DOCK5: variants seen among roughly 807,000 people sequenced by gnomAD.
DOCK5 encodes the protein dedicator of cytokinesis protein 5.
Under a neutral mutation model 251.8 loss-of-function variants are expected in DOCK5, and 142 were observed. The ratio of observed to expected loss-of-function variants is 0.56; its 90% CI spans 0.49 to 0.65. The LOEUF (loss-of-function observed/expected upper bound fraction) is 0.65. DOCK5 is among the 30% of genes least tolerant of loss of function. The pLI is 0.00. For synonymous variants in DOCK5, 842 were observed against 835.5 expected (o/e 1.01, Z -0.13); for missense variants, 2,111 against 2,312.3 (o/e 0.91, Z 1.79).
chr8:25,278,535 T>C, intron 4 of DOCK5, 34 bp from the exon 5 acceptor site: 1 of 1,604,748 alleles, frequency 6.2e-7, no homozygotes, highest in Non-Finnish European at 8.5e-7. Context: ...CTGATCAGCC[T>C]AGAAGAAAGT....
At chr8:25,208,069 G>A (rs1016548749) in intron 1 of DOCK5, among the ~76,000 whole-genome samples, 11 of 152,194 alleles carry the variant, frequency 7.2e-5, no homozygotes, top group African/African-American at 2.7e-4. Context: ...AGTGAAGGAT[G>A]TCCCTGCAGA....
chr8:25,324,061 T>G, intron 17 of DOCK5, 110 bp downstream of exon 17: 2 of 1,221,444 alleles, frequency 1.6e-6, no homozygotes, highest in Non-Finnish European at 2.2e-6. Context: ...GAGCTTTCTG[T>G]ACTTGCCCAT....
chr8:25,399,947 G>A lies in DOCK5; in HGVS notation c.4741G>A (p.Glu1581Lys). The change falls in exon 46 of 52, where the codon GAA becomes AAA. Residue 1581 changes from glutamate (E) to lysine (K), a missense_variant. Glu to Lys is a moderately conservative substitution (Grantham distance 56). Around this residue, in one of 3 missense-constraint regions of DOCK5, gnomAD observed 1,717 missense variants for 1,892.4 expected, o/e 0.91. Coordinates refer to ENST00000276440, the MANE Select transcript of DOCK5 (RefSeq NM_024940.8). ...FTEKYLQEHP[E>K]DQEKVELLKR... ...AGAAAAGTACTTGCAGGAGCATCCT[G>A]AAGACCAGGAGAAGGTTGAGCTGCT... is the stretch of plus-strand genomic sequence containing the variant. The A allele has an allele frequency of 6.2e-7, 1 of 1,613,650 alleles. No homozygotes were observed. The highest frequency in any genetic ancestry group is 8.5e-7 in the Non-Finnish European group (1 of 1,179,770).
intron 2 of DOCK5, among the ~76,000 whole-genome samples, chr8:25,245,469 A>T (rs1473020): frequency 1 from 152,182 of 152,188 alleles, 76,088 homozygotes; most frequent in Middle Eastern, 1. Flanking sequence ...AAAAAGCATA[A>T]GTTCAATTTT....
chr8:25,193,490 G>T lies in DOCK5; in HGVS notation c.43+8539G>T, dbSNP rs576470070. Among the ~76,000 whole-genome samples the T allele has an allele frequency of 1.5e-4, 23 of 152,152 alleles. No homozygotes were observed. In the South Asian group the frequency reaches 3.3e-3, roughly 22 times the overall value. ...AAGCACAAAAATGAGGCCAAATGTG[G>T]TGGTTCACACTTGTAATCCCAGCAC... is the stretch of plus-strand genomic sequence containing the variant. On this transcript the variant is annotated intron_variant, in intron 1 of 51. Transcript: ENST00000276440.
At chr8:25,255,135 G>T (rs532878810) in intron 2 of DOCK5, among the ~76,000 whole-genome samples, 22 of 152,200 alleles carry the variant, frequency 1.4e-4, no homozygotes, top group Non-Finnish European at 2.8e-4. Context: ...CACTTTGGGA[G>T]ACAGTTTGTT....
intron 42 of DOCK5, among the ~76,000 whole-genome samples, chr8:25,390,902 A>G (rs898719693): frequency 4.0e-5 from 6 of 151,828 alleles, no homozygotes; most frequent in African/African-American, 1.2e-4. Context: ...TCTGCCTCCC[A>G]AGTTCAAGCA....
At chr8:25,346,150 C>T (rs946328601) in intron 26 of DOCK5, among the ~76,000 whole-genome samples, 1 of 151,910 alleles carries the variant, frequency 6.6e-6, no homozygotes, top group African/African-American at 2.4e-5. Context: ...GCGCCCAGCC[C>T]CTGTGACTAT....
At chr8:25,190,775 G>GATTTTTTTTTTTTT (rs755511798) in intron 1 of DOCK5, among the ~76,000 whole-genome samples, 1 of 53,980 alleles carries the variant, frequency 1.9e-5, no homozygotes, top group Admixed American at 3.6e-4. Flanking sequence ...CTTGGTCATG[G>GATTTTTTTTTTTTT]GTTTTTTTTT....
intron 22 of DOCK5, 74 bp downstream of exon 22, chr8:25,336,447 G>A: frequency 6.4e-7 from 1 of 1,553,060 alleles, no homozygotes; most frequent in Non-Finnish European, 8.8e-7. Context: ...ACTCTGCACA[G>A]TGGTGTTCAG....
rs186718914 is a variant in DOCK5, at chr8:25,271,226, A to G, written c.168+2341A>G. 340 of 165,770 alleles carry G rather than the reference A, an allele frequency of 2.1e-3. 4 individuals are homozygous for G. Among genetic ancestry groups the G allele is most frequent in the Non-Finnish European group, 3.4e-3 (263 of 77,226 alleles). The allele number at this position is 165,770 out of a possible 1,614,324, so 10.3% of individuals were successfully genotyped here. On this transcript the variant is annotated intron_variant, in intron 3 of 51. Transcript: ENST00000276440. ...TTAAAACCTTTAAGCTTAAAATCTC[A>G]CCCTTCAGAAGAAATCTTTCGGTAA...
intron 16 of DOCK5, among the ~76,000 whole-genome samples, chr8:25,323,431 GA>G (rs1344617120): frequency 6.6e-6 from 1 of 152,224 alleles, no homozygotes; most frequent in Admixed American, 6.5e-5. Flanking sequence ...TGTTTGGTGG[GA>G]GAGCCTAGAG....
chr8:25,210,045 T>TATATATATATATATAAAA, intron 1 of DOCK5, among the ~76,000 whole-genome samples: 4 of 20,648 alleles, frequency 1.9e-4, no homozygotes, highest in African/African-American at 9.2e-4. Context: ...AATGTGTGTG[T>TATATATATATATATAAAA]GTGTGTGTGT....
intron 26 of DOCK5, among the ~76,000 whole-genome samples, chr8:25,348,162 T>A (rs1048597786): frequency 6.6e-6 from 1 of 152,208 alleles, no homozygotes. Context: ...CTTAGTTAAC[T>A]CAAAGCTCTA....
intron 1 of DOCK5, among the ~76,000 whole-genome samples, chr8:25,188,886 A>C (rs56152281): frequency 0.079 from 12,043 of 152,114 alleles, 624 homozygotes; most frequent in African/African-American, 0.15. Context: ...AAACACTTTT[A>C]AGCAAACATT....
At chr8:25,335,326 A>G (rs1002181784) in intron 21 of DOCK5, among the ~76,000 whole-genome samples, 6 of 152,092 alleles carry the variant, frequency 3.9e-5, no homozygotes, top group Non-Finnish European at 8.8e-5. Flanking sequence ...TACCGAGCCA[A>G]ATGCAGCACT....
At chr8:25,308,718 G>A in intron 11 of DOCK5, 65 bp from the exon 12 acceptor site, 12 of 1,569,164 alleles carry the variant, frequency 7.6e-6, no homozygotes, top group Non-Finnish European at 9.6e-6. Flanking sequence ...ACCATTATCT[G>A]AGGTTGTGCT....
chr8:25,217,382 A>G (rs887610586), intron 1 of DOCK5, among the ~76,000 whole-genome samples: 8 of 152,052 alleles, frequency 5.3e-5, no homozygotes, highest in Admixed American at 3.9e-4. Context: ...GTAATGAACA[A>G]CTTAAAAACG....
chr8:25,277,005 CAT>C (rs1209032458), intron 4 of DOCK5: 1 of 152,250 alleles, frequency 6.6e-6, no homozygotes, highest in Non-Finnish European at 1.5e-5. Context: ...ATTATGTTCA[CAT>C]GTTTTACTTT....
Sources: allele counts gnomAD v4.1 joint callset (sites outside exome capture counted in the v4.1 genomes callset), GRCh38; gene constraint gnomAD v4.1.1; regional missense constraint gnomAD v4.1.1; transcripts MANE v1.5; gene names NCBI Gene and HGNC (gene_info 2026-07-23, HGNC 2026-07-21).